Variants in FAM227A observed in about 807,000 individuals in gnomAD.
FAM227A encodes the protein protein FAM227A.
FAM227A carries 80 observed loss-of-function variants against 74.7 expected under a neutral mutation model. That is an observed-to-expected ratio of 1.07 (90% confidence interval 0.89 to 1.29). FAM227A has a LOEUF of 1.29. FAM227A is among the 50% of genes most tolerant of loss of function. The pLI is 0.00. For missense variants in FAM227A, 654 were observed against 683.4 expected (o/e 0.96, Z 0.48); for synonymous variants, 237 against 241.8 (o/e 0.98, Z 0.19).
intron 10 of FAM227A, among the ~76,000 whole-genome samples, 190 bp downstream of exon 10, chr22:38,622,981 TC>T (rs1359468115): frequency 1.4e-5 from 2 of 145,512 alleles, no homozygotes; most frequent in African/African-American, 5.0e-5. Context: ...CAAAATTCCA[TC>T]CCCTGCCTCC....
At chr22:38,629,104 T>TACA (rs2091867035) in intron 6 of FAM227A, 169 bp from the exon 7 acceptor site, 1 of 532,362 alleles carries the variant, frequency 1.9e-6, no homozygotes, top group Non-Finnish European at 3.3e-6. Context: ...TTATGAGGAA[T>TACA]ACATCATTAT....
Position 38,632,995 on chromosome 22 carries a change from C to T in FAM227A, c.519+3456G>A, listed in dbSNP as rs191403265. Among the ~76,000 whole-genome samples the T allele has an allele frequency of 9.5e-4, 145 of 152,248 alleles. 3 individuals carry two copies. Among genetic ancestry groups the T allele is most frequent in the Non-Finnish European group, 1.8e-4 (12 of 68,020 alleles). On this transcript the variant is annotated intron_variant, in intron 6 of 16. Transcript: ENST00000535113. ...AAGAAGTCCCAGGCGAGGGCTGGTG[C>T]GGAGCTGAGAAGGCACTCCCAGATG...
chr22:38,654,659 G>C (rs946262749), intron 1 of FAM227A, among the ~76,000 whole-genome samples: 1 of 151,034 alleles, frequency 6.6e-6, no homozygotes, highest in Non-Finnish European at 1.5e-5. Flanking sequence ...GGCTGGGCGC[G>C]GTGGCTCACG....
chr22:38,600,428 G>A (rs1337755937), intron 13 of FAM227A, among the ~76,000 whole-genome samples: 1 of 151,804 alleles, frequency 6.6e-6, no homozygotes, highest in Non-Finnish European at 1.5e-5. Flanking sequence ...CCATCTCCTA[G>A]ATTCAAGCAA....
chr22:38,655,021 T>A (rs2092372575), intron 1 of FAM227A, among the ~76,000 whole-genome samples: 1 of 150,390 alleles, frequency 6.6e-6, no homozygotes, highest in South Asian at 2.1e-4. Context: ...GCGCCTGTAG[T>A]CCCAGCTACT....
intron 3 of FAM227A, among the ~76,000 whole-genome samples, chr22:38,640,375 G>A (rs1282819590): frequency 6.6e-6 from 1 of 152,034 alleles, no homozygotes; most frequent in African/African-American, 2.4e-5. Flanking sequence ...AGTGTTTAAT[G>A]TATTTTAAAA....
rs1009717984 is a variant in FAM227A at position 38,605,274 on chromosome 22, C to A, written c.1201G>T (p.Glu401Ter). ...VKRISEAREC[E>*]NMFPKKSCAA... ...CTCACCTTTTTAGGAAACATATTCT[C>A]ACATTCTCTTGCTTCTGATATCCTC... The change falls in exon 13 of 17, where the codon GAG becomes TAG. Residue 401 changes from glutamate to a stop codon, truncating the protein, a stop_gained. Transcript: ENST00000535113. LOFTEE classifies it high-confidence loss of function. The A allele has an allele frequency of 6.5e-7, 1 of 1,548,462 alleles. No individual in the cohort carries two copies. Among genetic ancestry groups the A allele is most frequent in the East Asian group, 2.4e-5 (1 of 40,908 alleles).
In FAM227A at chr22:38,582,555, G is replaced by A. The variant is rs2090723338; in HGVS notation, c.*3570C>T. The A allele has an allele frequency of 1.1e-6, 1 of 911,444 alleles. No homozygotes were observed. The highest frequency in any genetic ancestry group is 1.7e-5 in the South Asian group (1 of 57,398). 56.5% of individuals were successfully genotyped at this position (911,444 alleles called of 1,614,324 possible). A position where few individuals can be genotyped will look rare whatever the true frequency, so the allele number is the denominator to read the frequency against. ...CTTCCCCATAATTTTCCCTTCTAAT[G>A]TTTACAAAGGGCAGAGACAGGTTTC... On this transcript the variant is annotated 3_prime_UTR_variant, in exon 17 of 17. Coordinates refer to ENST00000535113, the MANE Select transcript of FAM227A (RefSeq NM_001013647.2).
In FAM227A at chr22:38,640,923, T is replaced by C. The variant is rs1205399208; in HGVS notation, c.226-1199A>G. ...GGGTGTGTGTATGTGTGTGTGCCAGTGGTGGGGGGGCGGTCACAGGGGTTA... is the reference window on the plus strand; with the variant it reads ...GGGTGTGTGTATGTGTGTGTGCCAGCGGTGGGGGGGCGGTCACAGGGGTTA... On this transcript the variant is annotated intron_variant, in intron 3 of 16. Coordinates refer to ENST00000535113, the MANE Select transcript of FAM227A (RefSeq NM_001013647.2). Among the ~76,000 whole-genome samples the C allele has an allele frequency of 3.3e-5, 5 of 152,032 alleles. No homozygotes were observed. The East Asian group carries it at 9.6e-4, about 29-fold the overall frequency.
chr22:38,634,498 T>A (rs1349007037), intron 6 of FAM227A, among the ~76,000 whole-genome samples: 4 of 152,200 alleles, frequency 2.6e-5, no homozygotes, highest in African/African-American at 9.6e-5. Context: ...TAGGCACCTT[T>A]ACATGCATTA....
chr22:38,640,962 C>G (rs1444768277), intron 3 of FAM227A, among the ~76,000 whole-genome samples: 1 of 152,192 alleles, frequency 6.6e-6, no homozygotes, highest in African/African-American at 2.4e-5. Flanking sequence ...TATGTATTAA[C>G]ATTGTTGCTC....
Position 38,599,929 on chromosome 22 carries a change from T to A in FAM227A, c.1222-8A>T. 6.5e-7 allele frequency: 1 copy of A among 1,528,122 alleles called. No individual in the cohort carries two copies. The highest frequency in any genetic ancestry group is 1.2e-5 in the South Asian group (1 of 80,664). The allele number at this position is 1,528,122 out of a possible 1,614,324, so 94.7% of individuals were successfully genotyped here. A position where few individuals can be genotyped will look rare whatever the true frequency, so the allele number is the denominator to read the frequency against. On this transcript the variant is annotated splice_region_variant and splice_polypyrimidine_tract_variant and intron_variant, in intron 13 of 16. Transcript: ENST00000535113. ...TTTGCAGGCAGCACACGACTAAGGA[T>A]GAAAGAAAAAGGAAAAATAAAGGAT...
At chr22:38,616,706 G>A (rs768464219) in intron 11 of FAM227A, among the ~76,000 whole-genome samples, 12 of 151,976 alleles carry the variant, frequency 7.9e-5, no homozygotes, top group Non-Finnish European at 1.2e-4. Context: ...GTGAAAGGGA[G>A]CAAAAGATGG....
chr22:38,629,055 G>T, intron 6 of FAM227A, 120 bp from the exon 7 acceptor site: 1 of 622,000 alleles, frequency 1.6e-6, no homozygotes, highest in Non-Finnish European at 2.8e-6. Context: ...GCCCTACCCA[G>T]GTAATTTTAC....
In FAM227A at chr22:38,586,176, C is replaced by A; in HGVS notation, c.1662G>T (p.Lys554Asn). ...KTKEGKGGEGKRRETEVEHFF... is the reference protein window; with the variant it reads ...KTKEGKGGEGNRRETEVEHFF... The stretch of plus-strand genomic sequence containing the variant: ...AATGTTCAACTTCTGTTTCTCTTCT[C>A]TTTCCCTCTCCTCCTTTCCCCTCCT... The change falls in exon 17 of 17, where the codon AAG becomes AAT. Residue 554 changes from lysine (K) to asparagine (N), a missense_variant. By Grantham distance (94) the Lys-to-Asn change is moderately conservative (BLOSUM62 0). Coordinates refer to ENST00000535113, the MANE Select transcript of FAM227A (RefSeq NM_001013647.2). 1 of 1,551,806 alleles carries A rather than the reference C, an allele frequency of 6.4e-7. No homozygotes were observed. Among genetic ancestry groups the A allele is most frequent in the Non-Finnish European group, 8.7e-7 (1 of 1,147,008 alleles).
chr22:38,605,288 T>C lies in FAM227A; in HGVS notation c.1187A>G (p.Glu396Gly). Residue 396 changes from glutamate (E) to glycine (G), a missense_variant, in exon 13 of 17, where the codon GAA (glutamate) becomes GGA (glycine). Physicochemically the swap from Glu to Gly is moderately conservative, Grantham distance 98. Transcript: ENST00000535113. ...AAACATATTCTCACATTCTCTTGCT[T>C]CTGATATCCTCTTGACTTCTTGCGT... ...KPTQEVKRIS[E>G]ARECENMFPK... 6.4e-7 allele frequency: 1 copy of C among 1,550,920 alleles called. No homozygotes were observed. The highest frequency in any genetic ancestry group is 1.4e-5 in the African/African-American group (1 of 73,138).
intron 8 of FAM227A, among the ~76,000 whole-genome samples, chr22:38,626,615 A>C (rs1457766464): frequency 6.6e-6 from 1 of 151,370 alleles, no homozygotes; most frequent in Non-Finnish European, 1.5e-5. Flanking sequence ...TGTAATCACA[A>C]CGCTTTGGGA....
At chr22:38,588,400 C>T (rs577704720) in intron 16 of FAM227A, among the ~76,000 whole-genome samples, 1 of 151,468 alleles carries the variant, frequency 6.6e-6, no homozygotes, top group African/African-American at 2.4e-5. Flanking sequence ...GGGTGGATCA[C>T]CTGAGGTCAG....
chr22:38,649,277 G>T (rs2092288377), intron 2 of FAM227A, among the ~76,000 whole-genome samples: 1 of 152,064 alleles, frequency 6.6e-6, no homozygotes, highest in South Asian at 2.1e-4. Flanking sequence ...TTGAAAAAAT[G>T]TATCTGGCCA....
Sources: allele counts gnomAD v4.1 joint callset (sites outside exome capture counted in the v4.1 genomes callset), GRCh38; gene constraint gnomAD v4.1.1; transcripts MANE v1.5; gene names NCBI Gene and HGNC (gene_info 2026-07-23, HGNC 2026-07-21).